ERCC6: variants seen among roughly 807,000 people sequenced by gnomAD.
ERCC6 encodes ERCC excision repair 6, chromatin remodeling factor.
A neutral mutation model predicts 158.7 loss-of-function variants in ERCC6; 116 were observed. That is an observed-to-expected ratio of 0.73 (90% CI 0.63 to 0.85). The LOEUF (loss-of-function observed/expected upper bound fraction) is 0.85, where lower values mean the gene tolerates loss of function less well. ERCC6 is among the 40% of genes least tolerant of loss of function. The pLI is 0.00. For synonymous variants in ERCC6, 678 were observed against 659.3 expected (o/e 1.03, Z -0.43); for missense variants, 1,698 against 1,799.4 (o/e 0.94, Z 1.02).
At chr10:49,512,425 C>T (rs1836837092) in intron 5 of ERCC6, among the ~76,000 whole-genome samples, 1 of 152,110 alleles carries the variant, frequency 6.6e-6, no homozygotes, top group Admixed American at 6.5e-5. Context: ...GTCTAGTGCC[C>T]CCTAGTGTGT....
intron 8 of ERCC6, chr10:49,488,355 G>A (rs934296666): frequency 6.5e-6 from 1 of 154,080 alleles, no homozygotes; most frequent in Non-Finnish European, 1.5e-5. Flanking sequence ...CAGTACAGCC[G>A]CTTCCTAGGC....
At chr10:49,452,987 T>C (rs529715814), downstream of ERCC6, among the ~76,000 whole-genome samples, 24 of 152,244 alleles carry the variant, frequency 1.6e-4, no homozygotes, top group East Asian at 2.1e-3. Context: ...ATAGATAACA[T>C]AGAGTTGGAA....
rs117007867 is a variant in ERCC6, at chr10:49,510,082, G to A, written c.1398-4070C>T. Among the ~76,000 whole-genome samples the A allele has an allele frequency of 5.5e-4, 83 of 152,208 alleles. 1 individual carries two copies. The East Asian group carries it at 0.016, about 28-fold the overall frequency. On this transcript the variant is annotated intron_variant, in intron 5 of 20. Coordinates refer to ENST00000355832, the MANE Select transcript of ERCC6 (RefSeq NM_000124.4). ...TCCCTGGTTTCCCTACATTCAGGTA[G>A]GAATGAGAATCTGGCCCAGGCTGTG...
chr10:49,447,703 A>G, the ERCC6 span, among the ~76,000 whole-genome samples: 1 of 19,114 alleles, frequency 5.2e-5, no homozygotes. Context: ...GACTGTCTCA[A>G]AAAAAAAAAA....
At chr10:49,486,999 C>T (rs1851089247) in intron 8 of ERCC6, among the ~76,000 whole-genome samples, 1 of 152,190 alleles carries the variant, frequency 6.6e-6, no homozygotes, top group South Asian at 2.1e-4. Context: ...CACAGGAATA[C>T]AAGAATAGCT....
Position 49,470,605 on chromosome 10 carries a change from C to T in ERCC6, c.3355G>A (p.Glu1119Lys), listed in dbSNP as rs1850759141. 6.2e-7 allele frequency: 1 copy of T among 1,613,968 alleles called. No individual in the cohort carries two copies. The highest frequency in any genetic ancestry group is 8.5e-7 in the Non-Finnish European group (1 of 1,179,894). The change falls in exon 18 of 21, where the codon GAG becomes AAG. Residue 1119 changes from glutamate to lysine, a missense_variant. By Grantham distance (56) the Glu-to-Lys change is moderately conservative. Coordinates refer to ENST00000355832, the MANE Select transcript of ERCC6 (RefSeq NM_000124.4). ...EETNAVSGPEELSVISGNGEC... is the reference protein window; with the variant it reads ...EETNAVSGPEKLSVISGNGEC... ...CCATTTCCACTAATCACTGACAACT[C>T]TTCTGGTCCAGATACTGCATTTGTC...
the ERCC6 span, among the ~76,000 whole-genome samples, chr10:49,447,207 C>T: frequency 6.6e-6 from 1 of 152,236 alleles, no homozygotes. Context: ...TTAAAACAGA[C>T]AAAATAAACA....
At chr10:49,497,852 G>A (rs1206743327) in intron 7 of ERCC6, among the ~76,000 whole-genome samples, 1 of 152,116 alleles carries the variant, frequency 6.6e-6, no homozygotes, top group Non-Finnish European at 1.5e-5. Context: ...CAACCTGCAG[G>A]ATGGAAATCT....
rs570318531 is a variant in ERCC6, at chr10:49,532,712, G to C, written c.253C>G (p.Pro85Ala). Residue 85 changes from proline (P) to alanine (A), a missense_variant, in exon 2 of 21, where the codon CCT becomes GCT. Transcript: ENST00000355832. ...IDRHQIQAVE[P>A]SAQALELQGL... is the part of the protein sequence containing the mutation. Reference sequence around the variant, plus strand: ...TGCAGCTCAAGGGCCTGGGCGCTAGGCTCTACTGCCTGGATCTGATGTCGG... The same window carrying C: ...TGCAGCTCAAGGGCCTGGGCGCTAGCCTCTACTGCCTGGATCTGATGTCGG... 1.2e-6 allele frequency: 2 copies of C among 1,614,214 alleles called. No homozygotes were observed. Among genetic ancestry groups the C allele is most frequent in the Admixed American group, 1.7e-5 (1 of 60,032 alleles).
intron 8 of ERCC6, among the ~76,000 whole-genome samples, chr10:49,484,837 T>C (rs1243310857): frequency 1.3e-5 from 2 of 152,254 alleles, no homozygotes; most frequent in Middle Eastern, 3.4e-3. Flanking sequence ...GGAAAAAGAC[T>C]ACCTGCATCA....
In ERCC6 at chr10:49,538,848, C is replaced by T. The variant is rs1263798094; in HGVS notation, c.-15+114G>A. 3 of 151,498 alleles carry T rather than the reference C, an allele frequency of 2.0e-5. No homozygotes were observed. The East Asian group carries it at 5.9e-4, about 30-fold the overall frequency. 9.4% of individuals were successfully genotyped at this position (151,498 alleles called of 1,614,324 possible). On this transcript the variant is annotated intron_variant, in intron 1 of 20. Transcript: ENST00000355832. ...ACCCGCTACAGTGCGTCCTCGCTGA[C>T]AGGCTCAATCACCACGGCGAGGCCA... is the stretch of plus-strand genomic sequence containing the variant.
chr10:49,516,042 A>C, intron 5 of ERCC6: 1 of 1,614,150 alleles, frequency 6.2e-7, no homozygotes, highest in Admixed American at 1.7e-5. Flanking sequence ...AAGAAGTGCA[A>C]TACTGGTGAA....
At chr10:49,470,918 T>C in intron 17 of ERCC6, 29 bp from the exon 18 acceptor site, 1 of 1,613,522 alleles carries the variant, frequency 6.2e-7, no homozygotes. Flanking sequence ...CCACTAATAC[T>C]ATATTGTATC....
At chr10:49,476,566 C>A (rs1850881696) in intron 11 of ERCC6, among the ~76,000 whole-genome samples, 1 of 152,130 alleles carries the variant, frequency 6.6e-6, no homozygotes, top group Non-Finnish European at 1.5e-5. Flanking sequence ...TGCTCACGGG[C>A]AAGTTCAGTG....
rs1449863355 is a variant in ERCC6 at position 49,470,072 on chromosome 10, A to G, written c.3778+110T>C. The G allele has an allele frequency of 3.1e-6, 3 of 959,678 alleles. No homozygotes were observed. In the South Asian group the frequency reaches 4.1e-5, roughly 13 times the overall value. 59.4% of individuals were successfully genotyped at this position (959,678 alleles called of 1,614,324 possible). Reference sequence around the variant, plus strand: ...ATCTAAATTTTTGAAGAAAAACACTAATGGCTGACAGCCCTCTATGCACCA... The same window carrying G: ...ATCTAAATTTTTGAAGAAAAACACTGATGGCTGACAGCCCTCTATGCACCA... On this transcript the variant is annotated intron_variant, in intron 18 of 20. Coordinates refer to ENST00000355832, the MANE Select transcript of ERCC6 (RefSeq NM_000124.4).
Position 49,524,120 on chromosome 10 carries a change from G to A in ERCC6, c.1310C>T (p.Ala437Val). The A allele has an allele frequency of 6.2e-7, 1 of 1,613,860 alleles. No individual in the cohort carries two copies. The highest frequency in any genetic ancestry group is 8.5e-7 in the Non-Finnish European group (1 of 1,180,006). Residue 437 changes from alanine (A) to valine (V), a missense_variant, in exon 5 of 21, where the codon GCT becomes GTT. Ala to Val is a moderately conservative substitution (Grantham distance 64, BLOSUM62 0). Coordinates refer to ENST00000355832, the MANE Select transcript of ERCC6 (RefSeq NM_000124.4). ...FPSSGEEAEA[A>V]SVGEGGGGGR... ...TCCTCCTCCTCCTTCTCCTACAGAA[G>A]CAGCTTCAGCTTCTTCCCCAGAACT...
intron 3 of ERCC6, among the ~76,000 whole-genome samples, chr10:49,529,778 T>C (rs1837426448): frequency 6.6e-6 from 1 of 152,056 alleles, no homozygotes; most frequent in Non-Finnish European, 1.5e-5. Flanking sequence ...AGAACTGAAA[T>C]GGTTACAGCT....
At position 49,458,514 on chromosome 10, in the gene ERCC6, G is replaced by T; in HGVS notation, c.*301C>A. 2.8e-6 allele frequency: 1 copy of T among 353,440 alleles called. No homozygotes were observed. The highest frequency in any genetic ancestry group is 5.3e-6 in the Non-Finnish European group (1 of 189,658). 21.9% of individuals were successfully genotyped at this position (353,440 alleles called of 1,614,324 possible). On this transcript the variant is annotated 3_prime_UTR_variant, in exon 21 of 21. Coordinates refer to ENST00000355832, the MANE Select transcript of ERCC6 (RefSeq NM_000124.4). ...ACTGTGCTCCCTGACAGCATCTTTT[G>T]GGTAAAGGAACAAATGTGCTCCAAG...
At chr10:49,438,852 C>T in the ERCC6 span, among the ~76,000 whole-genome samples, 8 of 152,068 alleles carry the variant, frequency 5.3e-5, no homozygotes, top group Non-Finnish European at 1.2e-4. Flanking sequence ...CCCATGCATC[C>T]AAAATCCAGC....
Sources: allele counts gnomAD v4.1 joint callset (sites outside exome capture counted in the v4.1 genomes callset), GRCh38; gene constraint gnomAD v4.1.1; transcripts MANE v1.5; gene names NCBI Gene and HGNC (gene_info 2026-07-23, HGNC 2026-07-21).